Variants in AFG2B observed in about 807,000 individuals in gnomAD.
The protein encoded by AFG2B is AAA ATPase AFG2B.
the AFG2B span, chr15:45,403,649 TG>T: frequency 8.7e-7 from 1 of 1,150,204 alleles, no homozygotes; most frequent in Non-Finnish European, 1.2e-6. Context: ...CTCTTTGCAA[TG>T]CAGAGAACAC....
chr15:45,421,134 C>T, the AFG2B span: 14 of 1,612,910 alleles, frequency 8.7e-6, no homozygotes, highest in Non-Finnish European at 1.0e-5. Context: ...GTAAAACCGT[C>T]GTTAAGTTGC....
the AFG2B span, among the ~76,000 whole-genome samples, chr15:45,412,004 A>G: frequency 6.6e-6 from 1 of 152,102 alleles, no homozygotes; most frequent in African/African-American, 2.4e-5. Context: ...AGGCTGAGGC[A>G]GGAGAATCGC....
chr15:45,416,911 A>T, the AFG2B span: 23,054 of 159,644 alleles, frequency 0.14, 5,727 homozygotes, highest in African/African-American at 0.52. Flanking sequence ...GTTGGTCATA[A>T]GTATCTGTCT....
chr15:45,405,643 T>A, the AFG2B span: 8 of 780,416 alleles, frequency 1.0e-5, no homozygotes, highest in South Asian at 1.5e-4. Flanking sequence ...ACATTTTACA[T>A]CTCAACTCTA....
chr15:45,405,767 C>A, the AFG2B span, among the ~76,000 whole-genome samples: 1 of 152,016 alleles, frequency 6.6e-6, no homozygotes, highest in African/African-American at 2.4e-5. Flanking sequence ...CCAGAGCAGC[C>A]AAGAAATAGT....
chr15:45,416,999 C>G, the AFG2B span: 1 of 273,422 alleles, frequency 3.7e-6, no homozygotes, highest in Non-Finnish European at 7.1e-6. Flanking sequence ...GTGTTCTCCC[C>G]TTTGGGATAA....
At chr15:45,402,401 G>A in the AFG2B span, 32 of 1,566,996 alleles carry the variant, frequency 2.0e-5, no homozygotes, top group African/African-American at 2.8e-5. Flanking sequence ...TCCTAATCTG[G>A]TTTCGTCTGC....
chr15:45,410,348 G>A, the AFG2B span: 1 of 1,599,130 alleles, frequency 6.3e-7, no homozygotes, highest in African/African-American at 1.3e-5. Context: ...GTTTGATTTT[G>A]CTTTTTTGGG....
the AFG2B span, among the ~76,000 whole-genome samples, chr15:45,413,312 T>C: frequency 2.0e-5 from 3 of 152,166 alleles, no homozygotes; most frequent in Non-Finnish European, 4.4e-5. Flanking sequence ...TCTGTATATC[T>C]AGAGTAGACA....
At chr15:45,402,545 T>C in the AFG2B span, 1 of 1,592,956 alleles carries the variant, frequency 6.3e-7, no homozygotes, top group Non-Finnish European at 8.5e-7. Flanking sequence ...CTCCACGCCC[T>C]GGGCGCGCGC....
chr15:45,408,618 A>G, the AFG2B span, among the ~76,000 whole-genome samples: 3 of 152,192 alleles, frequency 2.0e-5, no homozygotes, highest in African/African-American at 4.8e-5. Context: ...GCTAACTTTT[A>G]TCAACTAGTT....
At chr15:45,411,677 C>G in the AFG2B span, among the ~76,000 whole-genome samples, 3 of 152,228 alleles carry the variant, frequency 2.0e-5, no homozygotes, top group East Asian at 5.8e-4. Context: ...CCTAGCTACT[C>G]AGGAGGATCA....
At chr15:45,421,139 A>G in the AFG2B span, 4 of 1,613,300 alleles carry the variant, frequency 2.5e-6, no homozygotes, top group South Asian at 4.4e-5. Context: ...ACCGTCGTTA[A>G]GTTGCAAGGA....
At chr15:45,415,547 T>C in the AFG2B span, 2 of 1,540,398 alleles carry the variant, frequency 1.3e-6, no homozygotes. Flanking sequence ...ATGACTAATG[T>C]ATAACATATA....
chr15:45,414,561 G>A, the AFG2B span: 2 of 1,611,934 alleles, frequency 1.2e-6, no homozygotes, highest in African/African-American at 1.3e-5. Flanking sequence ...CTCTTTTTGT[G>A]TACTTTCAGA....
At chr15:45,411,443 A>G in the AFG2B span, among the ~76,000 whole-genome samples, 1 of 152,100 alleles carries the variant, frequency 6.6e-6, no homozygotes, top group Non-Finnish European at 1.5e-5. Flanking sequence ...GTGCCCCACC[A>G]AGTAGCTGGG....
At chr15:45,406,837 G>A in the AFG2B span, among the ~76,000 whole-genome samples, 4 of 152,164 alleles carry the variant, frequency 2.6e-5, no homozygotes, top group Non-Finnish European at 5.9e-5. Flanking sequence ...CAGTTACACC[G>A]AAGGTGGGGA....
At chr15:45,407,082 C>G in the AFG2B span, 1 of 1,289,196 alleles carries the variant, frequency 7.8e-7, no homozygotes, top group Non-Finnish European at 1.0e-6. Flanking sequence ...CAGCTGCTGT[C>G]GTCCCAGGGT....
the AFG2B span, among the ~76,000 whole-genome samples, chr15:45,407,976 T>C: frequency 5.3e-5 from 8 of 152,184 alleles, no homozygotes; most frequent in Admixed American, 4.6e-4. Flanking sequence ...AAGAGATTAT[T>C]TGCTGAGTTG....
Sources: allele counts gnomAD v4.1 joint callset (sites outside exome capture counted in the v4.1 genomes callset), GRCh38; gene constraint gnomAD v4.1.1; transcripts MANE v1.5; gene names NCBI Gene and HGNC (gene_info 2026-07-23, HGNC 2026-07-21).